ZBTB20: variants seen among roughly 807,000 people sequenced by gnomAD.
The protein encoded by ZBTB20 is zinc finger and BTB domain containing 20, also known as zinc finger and BTB domain-containing protein 20.
In ZBTB20, 9 loss-of-function variants were observed where a neutral mutation model predicts 56.9. The observed-to-expected ratio is 0.16, with a 90% CI of 0.10 to 0.28. ZBTB20 has a LOEUF of 0.28. Among genes scored for constraint, ZBTB20 ranks in the 10% least tolerant of loss-of-function variants. The probability of loss-of-function intolerance (pLI) is 1.00; values close to 1 mark genes in which losing one functional copy is unlikely to be tolerated. For synonymous variants in ZBTB20, 417 were observed against 420.7 expected (o/e 0.99, Z 0.11); for missense variants, 655 against 1,003.0 (o/e 0.65, Z 4.69).
At chr3:115,072,285 T>C (rs1461303221) in intron 1 of ZBTB20, among the ~76,000 whole-genome samples, 1 of 152,136 alleles carries the variant, frequency 6.6e-6, no homozygotes, top group Non-Finnish European at 1.5e-5. Context: ...GAATAGGTAT[T>C]GGGCTTTTCT....
intron 7 of ZBTB20, among the ~76,000 whole-genome samples, chr3:114,441,855 C>T (rs1412057007): frequency 6.6e-6 from 1 of 152,008 alleles, no homozygotes; most frequent in South Asian, 2.1e-4. Context: ...TCCCTTTCCC[C>T]TAACTGTTGA....
chr3:114,929,393 C>G (rs1296775030), intron 3 of ZBTB20, among the ~76,000 whole-genome samples: 1 of 152,154 alleles, frequency 6.6e-6, no homozygotes, highest in East Asian at 1.9e-4. Flanking sequence ...TTCTGTGCAA[C>G]TGGGGGAGGT....
At chr3:114,977,157 T>A (rs1456477878) in intron 2 of ZBTB20, among the ~76,000 whole-genome samples, 1 of 152,206 alleles carries the variant, frequency 6.6e-6, no homozygotes, top group African/African-American at 2.4e-5. Flanking sequence ...TCTGACTCCA[T>A]CAGATTAACA....
intron 5 of ZBTB20, among the ~76,000 whole-genome samples, chr3:114,775,255 T>C (rs1316157621): frequency 6.6e-6 from 1 of 152,192 alleles, no homozygotes; most frequent in East Asian, 1.9e-4. Context: ...AAAAATATGT[T>C]GTATCAGAGT....
At chr3:114,924,980 C>CT (rs578028983) in intron 3 of ZBTB20, among the ~76,000 whole-genome samples, 8,825 of 99,884 alleles carry the variant, frequency 0.088, 501 homozygotes, top group Admixed American at 0.14. Flanking sequence ...TTTGGTTCTT[C>CT]TTTTTTTTTT....
intron 3 of ZBTB20, among the ~76,000 whole-genome samples, chr3:114,953,221 A>G (rs1156283194): frequency 6.7e-6 from 1 of 150,302 alleles, no homozygotes; most frequent in Non-Finnish European, 1.5e-5. Flanking sequence ...CTATACAAAG[A>G]AATATCGTCA....
intron 4 of ZBTB20, among the ~76,000 whole-genome samples, chr3:114,871,410 C>G (rs1245925912): frequency 2.0e-5 from 3 of 152,052 alleles, no homozygotes; most frequent in African/African-American, 7.2e-5. Context: ...TTTTAGGGTC[C>G]TTTTTGCCTT....
At chr3:114,875,687 A>G (rs1386639481) in intron 4 of ZBTB20, among the ~76,000 whole-genome samples, 3 of 152,172 alleles carry the variant, frequency 2.0e-5, no homozygotes, top group African/African-American at 4.8e-5. Context: ...TGGACAACCT[A>G]TCAGAAAAAC....
intron 3 of ZBTB20, among the ~76,000 whole-genome samples, chr3:114,930,117 A>C (rs2076301309): frequency 1.3e-5 from 2 of 152,232 alleles, no homozygotes; most frequent in East Asian, 3.9e-4. Context: ...AACAAACAAC[A>C]AACAAAACAC....
intron 6 of ZBTB20, among the ~76,000 whole-genome samples, chr3:114,578,575 G>A (rs1268036234): frequency 1.3e-5 from 2 of 151,728 alleles, no homozygotes; most frequent in Non-Finnish European, 3.0e-5. Flanking sequence ...AGGAGAAAAA[G>A]CAGATTATTT....
intron 6 of ZBTB20, among the ~76,000 whole-genome samples, chr3:114,639,007 T>G (rs1386610560): frequency 6.6e-6 from 1 of 152,058 alleles, no homozygotes; most frequent in Non-Finnish European, 1.5e-5. Flanking sequence ...TCTCTGTCCT[T>G]TAGGTTGTAT....
chr3:114,457,523 A>T (rs1188390326), intron 7 of ZBTB20, among the ~76,000 whole-genome samples: 1 of 152,188 alleles, frequency 6.6e-6, no homozygotes. Context: ...TTTAGAACTA[A>T]ATTCCTAAAA....
At chr3:114,888,720 G>A in intron 4 of ZBTB20, among the ~76,000 whole-genome samples, 1 of 152,014 alleles carries the variant, frequency 6.6e-6, no homozygotes. Context: ...ACGGCTTGAG[G>A]CATCAGATCA....
At chr3:114,558,024 T>G (rs13059932) in intron 6 of ZBTB20, among the ~76,000 whole-genome samples, 22,455 of 151,994 alleles carry the variant, frequency 0.15, 1,957 homozygotes, top group Middle Eastern at 0.2. Flanking sequence ...CTTTTAATTC[T>G]ATTGGGAAAC....
intron 5 of ZBTB20, among the ~76,000 whole-genome samples, chr3:114,773,797 G>T (rs1389444070): frequency 2.0e-5 from 3 of 152,200 alleles, no homozygotes; most frequent in Non-Finnish European, 4.4e-5. Flanking sequence ...CATGCCTACT[G>T]GGGTATGTTT....
chr3:114,384,130 TTCTC>T (rs892528946), intron 8 of ZBTB20, among the ~76,000 whole-genome samples: 6 of 98,672 alleles, frequency 6.1e-5, no homozygotes, highest in Non-Finnish European at 1.1e-4. Flanking sequence ...CTCTCTCTCA[TTCTC>T]TCTCTCTCTC....
chr3:114,812,936 C>T (rs890912745), intron 4 of ZBTB20, among the ~76,000 whole-genome samples: 1 of 152,214 alleles, frequency 6.6e-6, no homozygotes, highest in African/African-American at 2.4e-5. Flanking sequence ...TGGGGCAGGC[C>T]GGCCGCTCCG....
rs1182978784 is a variant in ZBTB20 at position 114,314,920 on chromosome 3, T to C, written c.*24085A>G. The C allele has an allele frequency of 2.0e-5, 3 of 152,168 alleles. No homozygotes were observed. Among genetic ancestry groups the C allele is most frequent in the African/African-American group, 4.8e-5 (2 of 41,436 alleles). The allele number at this position is 152,168 out of a possible 1,614,324, so 9.4% of individuals were successfully genotyped here. ...AGAAAAATACGAGGCTAATATTAAA[T>C]GGCAGGTAAGGATACTGTCACTGTA... On this transcript the variant is annotated 3_prime_UTR_variant, in exon 12 of 12. Transcript: ENST00000675478.
intron 6 of ZBTB20, among the ~76,000 whole-genome samples, chr3:114,531,288 A>G (rs747417914): frequency 6.6e-5 from 10 of 152,152 alleles, no homozygotes; most frequent in Non-Finnish European, 1.5e-4. Flanking sequence ...CCTTATCTAA[A>G]TTATCTAATT....
Sources: gnomAD v4.1 joint callset for allele counts (sites outside exome capture counted in the v4.1 genomes callset) on GRCh38, gnomAD v4.1.1 for gene constraint, MANE v1.5 for transcripts, NCBI Gene and HGNC (gene_info 2026-07-23, HGNC 2026-07-21) for gene names.